The following ANKRD33B variants were observed in gnomAD, a reference collection of about 807,000 sequenced individuals.
ANKRD33B encodes ankyrin repeat domain 33B.
In ANKRD33B, 6 loss-of-function variants were observed where a neutral mutation model predicts 21.5. The ratio of observed to expected loss-of-function variants is 0.28; its 90% CI spans 0.15 to 0.55. The LOEUF is 0.55. ANKRD33B is among the 20% of genes least tolerant of loss of function. The probability of loss-of-function intolerance (pLI) is 0.94; values close to 1 mark genes in which losing one functional copy is unlikely to be tolerated. For synonymous variants in ANKRD33B, 347 were observed against 342.4 expected, an observed-to-expected ratio of 1.01 and a Z score of -0.15; for missense variants, 698 against 747.2, an observed-to-expected ratio of 0.93 and a Z score of 0.77.
chr5:10,585,420 A>C (rs918147406), intron 1 of ANKRD33B, among the ~76,000 whole-genome samples: 81 of 152,240 alleles, frequency 5.3e-4, no homozygotes, highest in African/African-American at 1.9e-3. Flanking sequence ...TCCTTAACTT[A>C]GACGTCTTAG....
intron 1 of ANKRD33B, among the ~76,000 whole-genome samples, chr5:10,608,802 G>A (rs747696791): frequency 6.6e-6 from 1 of 152,154 alleles, no homozygotes; most frequent in South Asian, 2.1e-4. Flanking sequence ...GCATCGAAAC[G>A]TAAAACGGGA....
At chr5:10,571,269 T>G (rs1327535430) in intron 1 of ANKRD33B, among the ~76,000 whole-genome samples, 2 of 152,178 alleles carry the variant, frequency 1.3e-5, no homozygotes, top group Non-Finnish European at 2.9e-5. Flanking sequence ...TGGTGCGATC[T>G]CGGCCCACTG....
intron 1 of ANKRD33B, among the ~76,000 whole-genome samples, chr5:10,582,528 C>CT (rs1735465378): frequency 6.6e-6 from 1 of 152,188 alleles, no homozygotes; most frequent in Admixed American, 6.5e-5. Context: ...ATGTATGTGG[C>CT]TTTTTTATTT....
chr5:10,614,537 C>A (rs904705881), intron 1 of ANKRD33B, among the ~76,000 whole-genome samples: 1 of 152,170 alleles, frequency 6.6e-6, no homozygotes, highest in Non-Finnish European at 1.5e-5. Flanking sequence ...TCCTAAAGTG[C>A]TGGAATTATA....
At chr5:10,579,324 A>G (rs760741324) in intron 1 of ANKRD33B, among the ~76,000 whole-genome samples, 5 of 151,662 alleles carry the variant, frequency 3.3e-5, no homozygotes, top group South Asian at 2.1e-4. Flanking sequence ...TTTCCTATCA[A>G]TAACATCCAA....
At chr5:10,642,724 A>T (rs1737089850) in intron 3 of ANKRD33B, among the ~76,000 whole-genome samples, 1 of 152,146 alleles carries the variant, frequency 6.6e-6, no homozygotes, top group Non-Finnish European at 1.5e-5. Flanking sequence ...TATTATGATT[A>T]TTGGTGAGTT....
chr5:10,612,010 T>C (rs1736181707), intron 1 of ANKRD33B, among the ~76,000 whole-genome samples: 1 of 152,182 alleles, frequency 6.6e-6, no homozygotes, highest in Non-Finnish European at 1.5e-5. Context: ...GCTCTTTCAT[T>C]CTGTTTAGGC....
intron 1 of ANKRD33B, among the ~76,000 whole-genome samples, chr5:10,611,646 ACC>A (rs1736175057): frequency 6.6e-6 from 1 of 151,932 alleles, no homozygotes; most frequent in Non-Finnish European, 1.5e-5. Flanking sequence ...GCCACTTGCC[ACC>A]CCTCTGCACT....
At chr5:10,622,256 A>C (rs191831029) in intron 2 of ANKRD33B, among the ~76,000 whole-genome samples, 1 of 152,206 alleles carries the variant, frequency 6.6e-6, no homozygotes, top group Non-Finnish European at 1.5e-5. Flanking sequence ...CCAGAACCCC[A>C]CATCCAGCAC....
chr5:10,569,820 G>A (rs1735138337), intron 1 of ANKRD33B, among the ~76,000 whole-genome samples: 1 of 152,124 alleles, frequency 6.6e-6, no homozygotes, highest in South Asian at 2.1e-4. Flanking sequence ...TGACCGTGGT[G>A]GGGAGCATTC....
intron 1 of ANKRD33B, among the ~76,000 whole-genome samples, chr5:10,583,591 T>C (rs1312010844): frequency 2.6e-5 from 4 of 151,968 alleles, no homozygotes; most frequent in Non-Finnish European, 5.9e-5. Flanking sequence ...CTGAAGGGAG[T>C]AAGATTGTTG....
At chr5:10,568,228 C>T (rs1035848652) in intron 1 of ANKRD33B, among the ~76,000 whole-genome samples, 1 of 152,170 alleles carries the variant, frequency 6.6e-6, no homozygotes, top group Non-Finnish European at 1.5e-5. Flanking sequence ...AGATAATTGC[C>T]CAATAACATT....
At position 10,655,475 on chromosome 5, in the gene ANKRD33B, T is replaced by G. The variant is rs945886171; in HGVS notation, c.*5362T>G. ...TACATGACGTGGGAAGGCTGTCCGT[T>G]CATCCTTACCCTGGGGACTCAAGTG... On this transcript the variant is annotated 3_prime_UTR_variant, in exon 4 of 4. Transcript: ENST00000296657. 9 of 152,354 alleles carry G rather than the reference T, an allele frequency of 5.9e-5. No individual in the cohort carries two copies. The highest frequency in any genetic ancestry group is 2.2e-4 in the African/African-American group (9 of 41,438). 9.4% of individuals were successfully genotyped at this position (152,354 alleles called of 1,614,324 possible).
intron 1 of ANKRD33B, among the ~76,000 whole-genome samples, chr5:10,600,463 A>G (rs902087063): frequency 4.6e-5 from 7 of 152,238 alleles, no homozygotes; most frequent in Non-Finnish European, 1.0e-4. Flanking sequence ...AATATGCATG[A>G]GATCCACTGG....
At position 10,619,203 on chromosome 5, in the gene ANKRD33B, TTCTG is replaced by T. The variant is rs1736357028; in HGVS notation, c.496+747_496+750del. 1.6e-6 allele frequency: 1 copy of T among 637,168 alleles called. No homozygotes were observed. Among genetic ancestry groups the T allele is most frequent in the Non-Finnish European group, 2.0e-6 (1 of 512,160 alleles). 39.5% of individuals were successfully genotyped at this position (637,168 alleles called of 1,614,324 possible). A position where few individuals can be genotyped will look rare whatever the true frequency, so the allele number is the denominator to read the frequency against. Reference sequence around the variant, plus strand: ...TTTCACATTTCTTTGCCTCCAAAGATTCTGTCTGTTTCATCGGTCAAGTTCTCAG... The same window carrying T: ...TTTCACATTTCTTTGCCTCCAAAGATTCTGTTTCATCGGTCAAGTTCTCAG... On this transcript the variant is annotated intron_variant, in intron 2 of 3. Transcript: ENST00000296657. The surrounding 1 kb of genome is among the most constrained non-coding windows in gnomAD (Gnocchi z 4.5).
intron 1 of ANKRD33B, among the ~76,000 whole-genome samples, chr5:10,608,567 A>G (rs1736101312): frequency 6.6e-6 from 1 of 152,066 alleles, no homozygotes; most frequent in African/African-American, 2.4e-5. Context: ...CAATGGGAAA[A>G]GAATGGATGT....
chr5:10,630,359 T>G (rs546372478), intron 2 of ANKRD33B, among the ~76,000 whole-genome samples: 2 of 152,328 alleles, frequency 1.3e-5, no homozygotes, highest in South Asian at 4.1e-4. Context: ...GGGAGACAGC[T>G]GAGGCACAAA....
chr5:10,595,933 G>A (rs1287139970), intron 1 of ANKRD33B, among the ~76,000 whole-genome samples: 2 of 152,200 alleles, frequency 1.3e-5, no homozygotes, highest in South Asian at 2.1e-4. Flanking sequence ...CAGGGGAAGC[G>A]CTTCCTGGAA....
chr5:10,571,089 CA>C (rs1269379114), intron 1 of ANKRD33B, among the ~76,000 whole-genome samples: 6 of 152,168 alleles, frequency 3.9e-5, no homozygotes, highest in Admixed American at 3.9e-4. Flanking sequence ...CCTGTACTTA[CA>C]GTGCTAATTT....
Sources: allele counts gnomAD v4.1 joint callset (sites outside exome capture counted in the v4.1 genomes callset), GRCh38; gene constraint gnomAD v4.1.1; non-coding constraint Gnocchi (gnomAD v3.1); transcripts MANE v1.5; gene names NCBI Gene and HGNC (gene_info 2026-07-23, HGNC 2026-07-21).